PHIP: variants seen among roughly 807,000 people sequenced by gnomAD.
The protein encoded by PHIP is PHIP subunit of CUL4-Ring ligase complex, also known as PH-interacting protein.
PHIP carries 54 observed loss-of-function variants against 236.8 expected under a neutral mutation model. The ratio of observed to expected loss-of-function variants is 0.23; its 90% CI spans 0.18 to 0.29. PHIP has a LOEUF of 0.29. Ranked by LOEUF, PHIP falls within the 10% of genes least tolerant of loss-of-function variation. The pLI, the probability that PHIP is intolerant of heterozygous loss-of-function variation, is 1.00. For synonymous variants in PHIP, 756 were observed against 718.9 expected (o/e 1.05, Z -0.83); for missense variants, 1,370 against 2,190.8 (o/e 0.63, Z 7.48).
chr6:79,011,505 G>A (rs59297132), intron 15 of PHIP, among the ~76,000 whole-genome samples: 2,130 of 151,856 alleles, frequency 0.014, 35 homozygotes, highest in Middle Eastern at 0.048. Context: ...GGTAGGGGGA[G>A]TACAAGCTAC....
intron 29 of PHIP, among the ~76,000 whole-genome samples, chr6:78,963,816 C>T (rs181059950): frequency 1.3e-5 from 2 of 152,134 alleles, no homozygotes; most frequent in African/African-American, 2.4e-5. Context: ...AATCTAGAAA[C>T]GTGCTAGGTA....
chr6:78,998,694 T>A (rs1769787755), intron 17 of PHIP, among the ~76,000 whole-genome samples: 1 of 152,182 alleles, frequency 6.6e-6, no homozygotes, highest in Non-Finnish European at 1.5e-5. Context: ...ACTTTATAGA[T>A]GAGAAAACCA....
At chr6:78,969,181 C>T (rs1307197835) in intron 27 of PHIP, among the ~76,000 whole-genome samples, 2 of 152,184 alleles carry the variant, frequency 1.3e-5, no homozygotes, top group Admixed American at 6.5e-5. Context: ...AGAGCACATA[C>T]AAGTTTTTAA....
intron 17 of PHIP, 145 bp downstream of exon 17, chr6:79,001,754 A>T: frequency 1.7e-6 from 1 of 600,916 alleles, no homozygotes; most frequent in Non-Finnish European, 3.0e-6. Flanking sequence ...ATCCTTAAGC[A>T]TGATCAAAGA....
Position 78,936,034 on chromosome 6 carries a change from A to G in PHIP, c.*4659T>C, listed in dbSNP as rs2127673432. The G allele has an allele frequency of 6.6e-6, 1 of 152,190 alleles. No homozygotes were observed. The highest frequency in any genetic ancestry group is 2.4e-5 in the African/African-American group (1 of 41,572). 9.4% of individuals were successfully genotyped at this position (152,190 alleles called of 1,614,324 possible). ...CCACGTAACAGTAAAGAAAGGTCCA[A>G]TCAGTATGTACAAAAAGAAAGGGCA... On this transcript the variant is annotated 3_prime_UTR_variant, in exon 40 of 40. Coordinates refer to ENST00000275034, the MANE Select transcript of PHIP (RefSeq NM_017934.7).
At position 78,959,066 on chromosome 6, in the gene PHIP, T is replaced by C. The variant is rs545857690; in HGVS notation, c.3657-466A>G. ...ATGAGAAGTTAACTGACAGCCACCT[T>C]ATGAGATACAAAATCATAAAAATAT... On this transcript the variant is annotated intron_variant, in intron 31 of 39. Transcript: ENST00000275034. Among the ~76,000 whole-genome samples the C allele has an allele frequency of 1.8e-4, 28 of 152,284 alleles. No individual in the cohort carries two copies. In the South Asian group the frequency reaches 3.3e-3, roughly 18 times the overall value.
At chr6:79,042,356 T>G (rs1772265060) in intron 7 of PHIP, among the ~76,000 whole-genome samples, 1 of 151,992 alleles carries the variant, frequency 6.6e-6, no homozygotes, top group Non-Finnish European at 1.5e-5. Flanking sequence ...AATAAGAGTA[T>G]TAGATATGCT....
intron 39 of PHIP, among the ~76,000 whole-genome samples, chr6:78,944,025 A>G (rs1773664313): frequency 6.9e-6 from 1 of 145,190 alleles, no homozygotes; most frequent in South Asian, 2.2e-4. Flanking sequence ...GAAGTGCTTG[A>G]TTCTATCTAA....
chr6:78,973,948 T>C (rs1416635775), intron 24 of PHIP, among the ~76,000 whole-genome samples: 1 of 151,902 alleles, frequency 6.6e-6, no homozygotes, highest in African/African-American at 2.4e-5. Flanking sequence ...CACCCCACTG[T>C]CAACATTAGA....
intron 15 of PHIP, among the ~76,000 whole-genome samples, chr6:79,005,927 G>A (rs1770266167): frequency 6.6e-6 from 1 of 151,892 alleles, no homozygotes. Context: ...GACAGTTGAA[G>A]CTTATAAAGC....
At chr6:79,064,448 C>G (rs1430332904) in intron 4 of PHIP, among the ~76,000 whole-genome samples, 1 of 152,186 alleles carries the variant, frequency 6.6e-6, no homozygotes, top group African/African-American at 2.4e-5. Context: ...CCCATCCTCT[C>G]CTCAATCTAC....
At chr6:78,941,943 T>A (rs928447448) in intron 39 of PHIP, among the ~76,000 whole-genome samples, 2 of 152,128 alleles carry the variant, frequency 1.3e-5, no homozygotes, top group Non-Finnish European at 2.9e-5. Flanking sequence ...GATCTGGAGA[T>A]GATGAATTAC....
intron 6 of PHIP, among the ~76,000 whole-genome samples, chr6:79,053,980 G>A (rs186603152): frequency 1.3e-3 from 201 of 152,066 alleles, no homozygotes; most frequent in African/African-American, 4.7e-3. Context: ...ACCTAAGGGA[G>A]TTTCATTTCT....
At chr6:79,038,024 T>A (rs1562198995) in intron 7 of PHIP, among the ~76,000 whole-genome samples, 1 of 152,248 alleles carries the variant, frequency 6.6e-6, no homozygotes, top group Non-Finnish European at 1.5e-5. Flanking sequence ...TCATATCTTT[T>A]AATTGTCAAG....
At chr6:79,003,948 T>A in intron 15 of PHIP, 90 bp from the exon 16 acceptor site, 1 of 783,296 alleles carries the variant, frequency 1.3e-6, no homozygotes, top group Non-Finnish European at 2.0e-6. Flanking sequence ...GATAAAAGCA[T>A]ACATCCTAAT....
chr6:78,954,580 A>C (rs928473183), intron 35 of PHIP, among the ~76,000 whole-genome samples: 4 of 152,180 alleles, frequency 2.6e-5, no homozygotes, highest in African/African-American at 7.2e-5. Context: ...AAAGCTGCAC[A>C]ACTAGTAGGA....
intron 30 of PHIP, 103 bp downstream of exon 30, chr6:78,962,994 C>T: frequency 1.1e-6 from 1 of 942,010 alleles, no homozygotes; most frequent in Non-Finnish European, 1.6e-6. Context: ...AAACCACTGA[C>T]TTAGGATATT....
intron 7 of PHIP, among the ~76,000 whole-genome samples, chr6:79,036,626 T>G (rs1771946816): frequency 6.6e-6 from 1 of 152,044 alleles, no homozygotes; most frequent in African/African-American, 2.4e-5. Context: ...TCTGAACCAT[T>G]TAAAAGCAAC....
At chr6:79,036,071 A>C (rs1400845752) in intron 7 of PHIP, among the ~76,000 whole-genome samples, 1 of 152,138 alleles carries the variant, frequency 6.6e-6, no homozygotes, top group African/African-American at 2.4e-5. Flanking sequence ...GAATTCATGA[A>C]TCTCCTATTT....
Sources: gnomAD v4.1 joint callset for allele counts (sites outside exome capture counted in the v4.1 genomes callset) on GRCh38, gnomAD v4.1.1 for gene constraint, MANE v1.5 for transcripts, NCBI Gene and HGNC (gene_info 2026-07-23, HGNC 2026-07-21) for gene names.